The following DCC variants were observed in gnomAD, a reference collection of about 807,000 sequenced individuals.
DCC encodes netrin receptor DCC.
A neutral mutation model predicts 172.5 loss-of-function variants in DCC; 58 were observed. The observed-to-expected ratio is 0.34, with a 90% confidence interval of 0.27 to 0.42. The LOEUF (loss-of-function observed/expected upper bound fraction) is 0.42. DCC is among the 10% of genes least tolerant of loss of function. The pLI is 1.00. For synonymous variants in DCC, 709 were observed against 644.5 expected (o/e 1.10, Z -1.52); for missense variants, 1,740 against 1,791.0 (o/e 0.97, Z 0.51).
intron 17 of DCC, among the ~76,000 whole-genome samples, chr18:53,397,007 A>G (rs1258464187): frequency 2.0e-5 from 3 of 151,916 alleles, no homozygotes; most frequent in Non-Finnish European, 4.4e-5. Context: ...GCCTGATCAT[A>G]TGGAAAATAT....
chr18:53,210,576 A>G (rs2055734690), intron 11 of DCC, among the ~76,000 whole-genome samples: 1 of 152,140 alleles, frequency 6.6e-6, no homozygotes. Flanking sequence ...AACTGTGCAA[A>G]TTTCTGTATG....
intron 6 of DCC, among the ~76,000 whole-genome samples, chr18:53,065,126 G>A (rs1272258454): frequency 6.6e-6 from 1 of 152,038 alleles, no homozygotes; most frequent in Non-Finnish European, 1.5e-5. Context: ...AGCACAAATA[G>A]TAAGTTATAT....
chr18:53,058,181 T>C (rs1015033989), intron 5 of DCC, among the ~76,000 whole-genome samples: 1 of 152,132 alleles, frequency 6.6e-6, no homozygotes, highest in African/African-American at 2.4e-5. Flanking sequence ...AAAACAATTA[T>C]ATTAAATCAT....
chr18:52,550,088 C>A (rs2032726805), intron 1 of DCC, among the ~76,000 whole-genome samples: 1 of 151,928 alleles, frequency 6.6e-6, no homozygotes, highest in African/African-American at 2.4e-5. Context: ...ATAGTATGTA[C>A]CCTTTGTAGG....
intron 2 of DCC, among the ~76,000 whole-genome samples, chr18:52,821,356 A>G (rs2038404512): frequency 6.6e-6 from 1 of 152,104 alleles, no homozygotes; most frequent in African/African-American, 2.4e-5. Flanking sequence ...TTGCTTCACT[A>G]TATATTAGAT....
chr18:52,703,741 G>A (rs1378822328), intron 1 of DCC, among the ~76,000 whole-genome samples: 1 of 142,248 alleles, frequency 7.0e-6, no homozygotes, highest in African/African-American at 2.5e-5. Flanking sequence ...TTTTTTTTTT[G>A]AAAATGTGCT....
intron 1 of DCC, among the ~76,000 whole-genome samples, chr18:52,569,206 A>G (rs967921497): frequency 2.0e-5 from 3 of 152,328 alleles, no homozygotes; most frequent in Admixed American, 6.5e-5. Flanking sequence ...TAAAAGAGGA[A>G]CACAACGCAT....
At chr18:52,963,682 G>A (rs1276568846) in intron 5 of DCC, among the ~76,000 whole-genome samples, 2 of 152,108 alleles carry the variant, frequency 1.3e-5, no homozygotes, top group East Asian at 1.9e-4. Context: ...ATTCTTAACC[G>A]TTTGGCCCAG....
In DCC at chr18:53,339,815, G is replaced by A. The variant is rs752160818; in HGVS notation, c.2267G>A (p.Arg756Gln). 4.8e-5 allele frequency: 77 copies of A among 1,613,822 alleles called. No individual in the cohort carries two copies. The highest frequency in any genetic ancestry group is 5.8e-5 in the Non-Finnish European group (68 of 1,179,942). ...CCCTTGAACCCAAACATCGTGGTGC[G>A]AGGTTATATTATCGGTTATGGCGTT... ...TPPLNPNIVV[R>Q]GYIIGYGVGS... is the part of the protein sequence containing the mutation. The change falls in exon 15 of 29, where the codon CGA becomes CAA. Residue 756 changes from arginine (R) to glutamine (Q), a missense_variant. Coordinates refer to ENST00000442544, the MANE Select transcript of DCC (RefSeq NM_005215.4).
chr18:52,476,523 C>T (rs931698173), intron 1 of DCC, among the ~76,000 whole-genome samples: 5 of 152,140 alleles, frequency 3.3e-5, no homozygotes, highest in Non-Finnish European at 5.9e-5. Flanking sequence ...TTTAAGCATG[C>T]TGGTCTAGTC....
chr18:52,917,149 AAC>A (rs1491308459), intron 3 of DCC, among the ~76,000 whole-genome samples: 2,083 of 150,004 alleles, frequency 0.014, 39 homozygotes, highest in African/African-American at 0.049. Flanking sequence ...AAAAAAAAAA[AAC>A]AAGAAAAAAA....
At chr18:52,671,172 T>A (rs764556505) in intron 1 of DCC, among the ~76,000 whole-genome samples, 3 of 152,194 alleles carry the variant, frequency 2.0e-5, no homozygotes, top group Non-Finnish European at 4.4e-5. Flanking sequence ...TGCTTGGACC[T>A]CAAACATGAG....
chr18:52,893,215 G>C (rs2039677718), intron 2 of DCC, among the ~76,000 whole-genome samples: 1 of 151,994 alleles, frequency 6.6e-6, no homozygotes, highest in African/African-American at 2.4e-5. Flanking sequence ...TCAGGCACAT[G>C]TCTTTGGCAG....
intron 1 of DCC, among the ~76,000 whole-genome samples, chr18:52,660,883 A>G (rs527645729): frequency 6.6e-6 from 1 of 152,304 alleles, no homozygotes; most frequent in East Asian, 1.9e-4. Flanking sequence ...ATAGCAATTC[A>G]TCTCAACCGT....
chr18:53,209,977 G>A lies in DCC; in HGVS notation c.1861+2160G>A, dbSNP rs11873342. Among the ~76,000 whole-genome samples the A allele has an allele frequency of 7.5e-3, 1,135 of 152,156 alleles. 7 individuals carry two copies. The highest frequency in any genetic ancestry group is 0.013 in the Non-Finnish European group (882 of 67,978). On this transcript the variant is annotated intron_variant, in intron 11 of 28. Coordinates refer to ENST00000442544, the MANE Select transcript of DCC (RefSeq NM_005215.4). ...TCTGTCAGTATAAAAAAAGTATTTC[G>A]TGACCCTAACCCCAATAAACATCAC... is the stretch of plus-strand genomic sequence containing the variant.
At chr18:53,412,282 A>G (rs556240214) in intron 20 of DCC, among the ~76,000 whole-genome samples, 3 of 152,288 alleles carry the variant, frequency 2.0e-5, no homozygotes, top group East Asian at 1.9e-4. Context: ...AGTCAATTCT[A>G]TTTTAAACAC....
At chr18:52,565,522 T>G (rs12605759) in intron 1 of DCC, among the ~76,000 whole-genome samples, 23,051 of 152,138 alleles carry the variant, frequency 0.15, 2,598 homozygotes, top group East Asian at 0.5. Context: ...GACTTTTTAA[T>G]GATCGCCATT....
intron 2 of DCC, among the ~76,000 whole-genome samples, chr18:52,813,233 T>A (rs903083202): frequency 2.2e-4 from 23 of 105,404 alleles, no homozygotes; most frequent in Non-Finnish European, 4.8e-4. Flanking sequence ...TTGTGGTGGT[T>A]GTAGTTCACT....
intron 2 of DCC, among the ~76,000 whole-genome samples, chr18:52,812,509 G>T (rs897252209): frequency 6.6e-6 from 1 of 152,144 alleles, no homozygotes; most frequent in Admixed American, 6.5e-5. Flanking sequence ...GCTCATCAAA[G>T]GTCTTAAAGG....
Sources: gnomAD v4.1 joint callset for allele counts (sites outside exome capture counted in the v4.1 genomes callset) on GRCh38, gnomAD v4.1.1 for gene constraint, MANE v1.5 for transcripts, NCBI Gene and HGNC (gene_info 2026-07-23, HGNC 2026-07-21) for gene names.